DENND5A: variants seen among roughly 807,000 people sequenced by gnomAD.
DENND5A encodes DENN domain containing 5A, also known as DENN domain-containing protein 5A.
In DENND5A, 64 loss-of-function variants were observed where a neutral mutation model predicts 140.3. The ratio of observed to expected loss-of-function variants is 0.46; its 90% CI spans 0.37 to 0.56. The LOEUF is 0.56. Ranked by LOEUF, DENND5A falls within the 20% of genes least tolerant of loss-of-function variation. The probability of loss-of-function intolerance (pLI) is 0.00; values close to 1 mark genes in which losing one functional copy is unlikely to be tolerated. For synonymous variants in DENND5A, 605 were observed against 607.7 expected (o/e 1.00, Z 0.07); for missense variants, 1,292 against 1,593.8 (o/e 0.81, Z 3.22).
At chr11:9,178,740 CT>C (rs909928668) in intron 7 of DENND5A, 117 bp downstream of exon 7, 3 of 844,064 alleles carry the variant, frequency 3.6e-6, no homozygotes, top group Non-Finnish European at 5.6e-6. Flanking sequence ...GGACCATAAA[CT>C]TGTTTCCAGC....
chr11:9,161,334 C>A (rs891925082), intron 11 of DENND5A, among the ~76,000 whole-genome samples: 1 of 144,866 alleles, frequency 6.9e-6, no homozygotes, highest in Non-Finnish European at 1.5e-5. Context: ...GGCAACAGAG[C>A]GAGACTCCGT....
At chr11:9,253,384 A>G (rs1475162737) in intron 1 of DENND5A, among the ~76,000 whole-genome samples, 2 of 152,156 alleles carry the variant, frequency 1.3e-5, no homozygotes, top group African/African-American at 4.8e-5. Flanking sequence ...AGAAAATTGC[A>G]GGGCCCCAAT....
intron 1 of DENND5A, among the ~76,000 whole-genome samples, chr11:9,256,054 T>G: frequency 6.9e-6 from 1 of 145,070 alleles, no homozygotes; most frequent in Non-Finnish European, 1.5e-5. Flanking sequence ...TAAACACAGT[T>G]ACTATATGAC....
rs111697611 is a variant in DENND5A, at chr11:9,191,320, C to T, written c.1137+2174G>A. Among the ~76,000 whole-genome samples, 1,121 of 152,148 alleles carry T rather than the reference C, an allele frequency of 7.4e-3. 10 individuals carry two copies. The highest frequency in any genetic ancestry group is 0.026 in the African/African-American group (1,078 of 41,516). Reference sequence around the variant, plus strand: ...GTGGCGTGATCTCGGCTCACTGCAACCTCTGGCTCCGGGCTTCAACAATTC... The same window carrying T: ...GTGGCGTGATCTCGGCTCACTGCAATCTCTGGCTCCGGGCTTCAACAATTC... On this transcript the variant is annotated intron_variant, in intron 5 of 22. Coordinates refer to ENST00000328194, the MANE Select transcript of DENND5A (RefSeq NM_015213.4).
At position 9,139,631 on chromosome 11, in the gene DENND5A, TGA is replaced by T; in HGVS notation, c.*38_*39del. ...GGGAAAAAAGGTCAGAGCTGCAGGGTGAGTCTTTCTCAGTCCTGCTGCTGGCT... is the reference window on the plus strand; with the variant it reads ...GGGAAAAAAGGTCAGAGCTGCAGGGTGTCTTTCTCAGTCCTGCTGCTGGCT... On this transcript the variant is annotated 3_prime_UTR_variant, in exon 23 of 23. Coordinates refer to ENST00000328194, the MANE Select transcript of DENND5A (RefSeq NM_015213.4). 1.3e-6 allele frequency: 2 copies of T among 1,588,052 alleles called. No homozygotes were observed. The highest frequency in any genetic ancestry group is 1.7e-6 in the Non-Finnish European group (2 of 1,163,470).
intron 5 of DENND5A, among the ~76,000 whole-genome samples, chr11:9,181,390 G>A (rs1347340993): frequency 6.6e-6 from 1 of 152,126 alleles, no homozygotes; most frequent in Non-Finnish European, 1.5e-5. Context: ...TAATGTCATA[G>A]ATGTTTAGCA....
At chr11:9,244,693 G>C (rs1851389585) in intron 1 of DENND5A, among the ~76,000 whole-genome samples, 1 of 151,662 alleles carries the variant, frequency 6.6e-6, no homozygotes, top group Non-Finnish European at 1.5e-5. Flanking sequence ...ATTTATTTTT[G>C]GAGATAAGGT....
chr11:9,145,877 G>A, intron 16 of DENND5A, 62 bp from the exon 17 acceptor site: 1 of 1,566,442 alleles, frequency 6.4e-7, no homozygotes, highest in Non-Finnish European at 8.8e-7. Flanking sequence ...TACCAGATGG[G>A]ACTCTGACCT....
intron 15 of DENND5A, among the ~76,000 whole-genome samples, chr11:9,149,435 C>T (rs1190158292): frequency 6.6e-6 from 1 of 152,080 alleles, no homozygotes; most frequent in Non-Finnish European, 1.5e-5. Flanking sequence ...AAGTAGCAAG[C>T]AAATAGACAA....
intron 8 of DENND5A, among the ~76,000 whole-genome samples, chr11:9,173,943 A>C (rs1034320479): frequency 5.9e-5 from 9 of 151,956 alleles, no homozygotes; most frequent in Non-Finnish European, 8.8e-5. Context: ...TACTAAAAAT[A>C]CAAAAAATTA....
chr11:9,202,581 A>T (rs1473286654), intron 4 of DENND5A, among the ~76,000 whole-genome samples: 1 of 152,202 alleles, frequency 6.6e-6, no homozygotes, highest in Non-Finnish European at 1.5e-5. Flanking sequence ...AGTAAAAAAA[A>T]TTGAAAACTC....
At chr11:9,178,473 G>T in intron 7 of DENND5A, 107 bp from the exon 8 acceptor site, 10 of 649,692 alleles carry the variant, frequency 1.5e-5, no homozygotes, top group Non-Finnish European at 1.6e-5. Flanking sequence ...AGGTCTTTAA[G>T]AATACCAAGC....
At chr11:9,159,801 A>G (rs952775854) in intron 12 of DENND5A, among the ~76,000 whole-genome samples, 6 of 152,198 alleles carry the variant, frequency 3.9e-5, no homozygotes, top group African/African-American at 1.4e-4. Context: ...GAAAGTTCCC[A>G]TTTCTCCACA....
At chr11:9,168,310 G>C (rs1359896109) in intron 10 of DENND5A, among the ~76,000 whole-genome samples, 3 of 152,088 alleles carry the variant, frequency 2.0e-5, no homozygotes, top group Non-Finnish European at 4.4e-5. Flanking sequence ...GGTTTTATAA[G>C]GGGGAATTTC....
chr11:9,256,684 C>T (rs1385986229), intron 1 of DENND5A, among the ~76,000 whole-genome samples: 1 of 151,988 alleles, frequency 6.6e-6, no homozygotes. Context: ...CAAAAACAGG[C>T]AAATCTATAG....
chr11:9,254,684 A>G (rs1342641002), intron 1 of DENND5A, among the ~76,000 whole-genome samples: 2 of 151,844 alleles, frequency 1.3e-5, no homozygotes, highest in Non-Finnish European at 2.9e-5. Context: ...GTCCACATCG[A>G]CTCCCAGTTT....
chr11:9,213,808 C>CAGAAAAAAAAAA (rs1554927247), intron 1 of DENND5A, among the ~76,000 whole-genome samples: 1 of 69,644 alleles, frequency 1.4e-5, no homozygotes, highest in Non-Finnish European at 2.6e-5. Flanking sequence ...CTCCGTCTCC[C>CAGAAAAAAAAAA]AAAAAAAAAA....
chr11:9,262,272 G>A (rs892303175), intron 1 of DENND5A, among the ~76,000 whole-genome samples: 1 of 152,072 alleles, frequency 6.6e-6, no homozygotes, highest in Non-Finnish European at 1.5e-5. Context: ...TCATGCTCTC[G>A]CTAACAGTTA....
intron 1 of DENND5A, among the ~76,000 whole-genome samples, chr11:9,225,833 C>T (rs987851377): frequency 6.6e-6 from 1 of 151,748 alleles, no homozygotes; most frequent in African/African-American, 2.4e-5. Context: ...GCCTGTAATC[C>T]CAGCACTTTG....
Sources: gnomAD v4.1 joint callset for allele counts (sites outside exome capture counted in the v4.1 genomes callset) on GRCh38, gnomAD v4.1.1 for gene constraint, MANE v1.5 for transcripts, NCBI Gene and HGNC (gene_info 2026-07-23, HGNC 2026-07-21) for gene names.